KLHL1: variants seen among roughly 807,000 people sequenced by gnomAD.
The protein encoded by KLHL1 is kelch-like protein 1.
A neutral mutation model predicts 77.7 loss-of-function variants in KLHL1; 47 were observed. The ratio of observed to expected loss-of-function variants is 0.60; its 90% CI spans 0.48 to 0.77. The LOEUF is 0.77. KLHL1 is among the 30% of genes least tolerant of loss of function. The probability of loss-of-function intolerance (pLI) is 0.00; values close to 1 mark genes in which losing one functional copy is unlikely to be tolerated. For missense variants in KLHL1, 925 were observed against 910.8 expected (o/e 1.02, Z -0.20); for synonymous variants, 360 against 325.2 (o/e 1.11, Z -1.15).
At chr13:69,986,077 A>T (rs1351125883) in intron 1 of KLHL1, among the ~76,000 whole-genome samples, 2 of 151,654 alleles carry the variant, frequency 1.3e-5, no homozygotes, top group Non-Finnish European at 2.9e-5. Context: ...TAAACCAAGT[A>T]CTGAAGGACC....
intron 2 of KLHL1, among the ~76,000 whole-genome samples, chr13:69,968,454 A>G (rs1314931569): frequency 6.6e-6 from 1 of 151,028 alleles, no homozygotes; most frequent in Non-Finnish European, 1.5e-5. Flanking sequence ...TCCAACCTGC[A>G]ATATCTTCAG....
At chr13:70,017,906 T>C (rs962804898) in intron 1 of KLHL1, among the ~76,000 whole-genome samples, 6 of 152,290 alleles carry the variant, frequency 3.9e-5, no homozygotes, top group Non-Finnish European at 8.8e-5. Flanking sequence ...TCTTATCCAA[T>C]ACTATTAACT....
chr13:69,712,485 ATTCT>A (rs1164163567), intron 9 of KLHL1, among the ~76,000 whole-genome samples: 1 of 151,970 alleles, frequency 6.6e-6, no homozygotes, highest in African/African-American at 2.4e-5. Context: ...CATAATCAAG[ATTCT>A]TTATATGTGT....
At chr13:69,779,051 G>C (rs1184321216) in intron 7 of KLHL1, among the ~76,000 whole-genome samples, 1 of 151,936 alleles carries the variant, frequency 6.6e-6, no homozygotes, top group Non-Finnish European at 1.5e-5. Flanking sequence ...GCCCACCTCA[G>C]CCTCCCAAAG....
Position 69,719,446 on chromosome 13 carries a change from G to A in KLHL1, c.1938C>T (p.Asp646=), listed in dbSNP as rs781599073. 45 of 1,613,366 alleles carry A rather than the reference G, an allele frequency of 2.8e-5. No homozygotes were observed. The highest frequency in any genetic ancestry group is 1.6e-4 in the East Asian group (7 of 44,848). The change falls in exon 9 of 11, where the codon GAC becomes GAT. Residue 646 remains aspartate (D), a synonymous_variant. Coordinates refer to ENST00000377844, the MANE Select transcript of KLHL1 (RefSeq NM_020866.3). ...GACCTCCTACTGCATAAAGAAAACC[G>A]TCACATGTGGCCACTCCGACACCCC... ...RRGGVGVATC[D]GFLYAVGGHD... is the part of the protein sequence containing the mutation.
At chr13:69,816,724 C>T (rs994107615) in intron 6 of KLHL1, among the ~76,000 whole-genome samples, 1 of 152,118 alleles carries the variant, frequency 6.6e-6, no homozygotes, top group African/African-American at 2.4e-5. Context: ...AAAACTTAAA[C>T]TTATTATTTC....
chr13:70,033,784 T>G (rs564831768), intron 1 of KLHL1, among the ~76,000 whole-genome samples: 4 of 151,880 alleles, frequency 2.6e-5, no homozygotes, highest in Non-Finnish European at 5.9e-5. Context: ...CACAGCCGGC[T>G]AATTTTTTTA....
intron 1 of KLHL1, among the ~76,000 whole-genome samples, chr13:70,019,117 C>G (rs962305839): frequency 5.8e-5 from 8 of 138,632 alleles, no homozygotes; most frequent in Admixed American, 5.7e-4. Flanking sequence ...GTAGATCATT[C>G]TTTCAAGGCT....
At chr13:70,014,938 A>G (rs1482051721) in intron 1 of KLHL1, among the ~76,000 whole-genome samples, 1 of 152,166 alleles carries the variant, frequency 6.6e-6, no homozygotes, top group East Asian at 1.9e-4. Flanking sequence ...CAACACATTT[A>G]ATACATAACA....
chr13:69,812,077 T>G (rs937394604), intron 6 of KLHL1, among the ~76,000 whole-genome samples: 1 of 152,186 alleles, frequency 6.6e-6, no homozygotes, highest in African/African-American at 2.4e-5. Flanking sequence ...GCTTTAAATG[T>G]GTCCCAGAGA....
At chr13:69,823,740 G>T (rs1878433934) in intron 6 of KLHL1, among the ~76,000 whole-genome samples, 1 of 151,958 alleles carries the variant, frequency 6.6e-6, no homozygotes, top group South Asian at 2.1e-4. Flanking sequence ...TAAAACATTA[G>T]CATTTCCACT....
chr13:70,035,285 A>G (rs1287250782), intron 1 of KLHL1, among the ~76,000 whole-genome samples: 1 of 152,138 alleles, frequency 6.6e-6, no homozygotes, highest in African/African-American at 2.4e-5. Context: ...TTACAACAAC[A>G]TGGATGGAAC....
intron 1 of KLHL1, among the ~76,000 whole-genome samples, chr13:69,988,543 T>A (rs1006567726): frequency 1.3e-5 from 2 of 152,118 alleles, no homozygotes; most frequent in African/African-American, 4.8e-5. Flanking sequence ...CACACTGTCT[T>A]CCGCAACAGA....
intron 4 of KLHL1, among the ~76,000 whole-genome samples, chr13:69,939,407 A>G: frequency 7.0e-6 from 1 of 142,920 alleles, no homozygotes; most frequent in Non-Finnish European, 1.5e-5. Context: ...ACATACAGGG[A>G]ATAAAAGGGA....
chr13:69,717,998 C>T (rs1192560195), intron 9 of KLHL1, among the ~76,000 whole-genome samples: 1 of 151,964 alleles, frequency 6.6e-6, no homozygotes, highest in African/African-American at 2.4e-5. Context: ...GTGTTTTATC[C>T]AATTTGAACA....
At chr13:69,864,529 T>C (rs956117703) in intron 5 of KLHL1, among the ~76,000 whole-genome samples, 4 of 152,094 alleles carry the variant, frequency 2.6e-5, no homozygotes. Flanking sequence ...TTGTGTTTCA[T>C]GTTCCCTGTT....
chr13:69,722,838 A>C (rs1873128475), intron 8 of KLHL1, among the ~76,000 whole-genome samples: 1 of 151,928 alleles, frequency 6.6e-6, no homozygotes, highest in Admixed American at 6.6e-5. Flanking sequence ...AAAGGAAATG[A>C]AACCAGTATA....
intron 3 of KLHL1, among the ~76,000 whole-genome samples, chr13:69,941,674 A>G (rs2138303746): frequency 6.6e-6 from 1 of 152,144 alleles, no homozygotes; most frequent in East Asian, 1.9e-4. Flanking sequence ...ATGAACCAAA[A>G]AGCTGGTTCT....
chr13:69,950,669 G>A lies in KLHL1; in HGVS notation c.818-10433C>T, dbSNP rs2501218. Among the ~76,000 whole-genome samples the A allele has an allele frequency of 8.1e-3, 1,233 of 151,718 alleles. 26 individuals are homozygous for A. The highest frequency in any genetic ancestry group is 0.028 in the African/African-American group (1,181 of 41,496). On this transcript the variant is annotated intron_variant, in intron 3 of 10. Transcript: ENST00000377844. The stretch of plus-strand genomic sequence containing the variant: ...TAAGCACCAGACTTATCACAGATAT[G>A]TTCTTTTGGTCATTATTTTAATTTA...
Sources: allele counts gnomAD v4.1 joint callset (sites outside exome capture counted in the v4.1 genomes callset), GRCh38; gene constraint gnomAD v4.1.1; transcripts MANE v1.5; gene names NCBI Gene and HGNC (gene_info 2026-07-23, HGNC 2026-07-21).